SHISA9: variants seen among roughly 807,000 people sequenced by gnomAD.
The protein encoded by SHISA9 is protein shisa-9.
Under a neutral mutation model 38.0 loss-of-function variants are expected in SHISA9, and 13 were observed. That is an observed-to-expected ratio of 0.34 (90% CI 0.22 to 0.54). The LOEUF is 0.54. SHISA9 is among the 20% of genes least tolerant of loss of function. The pLI, the probability that SHISA9 is intolerant of heterozygous loss-of-function variation, is 0.91. For missense variants in SHISA9, 538 were observed against 575.8 expected, an observed-to-expected ratio of 0.93 and a Z score of 0.67; for synonymous variants, 275 against 242.0, an observed-to-expected ratio of 1.14 and a Z score of -1.27.
the SHISA9 span, among the ~76,000 whole-genome samples, chr16:13,469,653 C>G: frequency 6.6e-6 from 1 of 152,232 alleles, no homozygotes; most frequent in Non-Finnish European, 1.5e-5. Context: ...GAGGCAGTCA[C>G]TCATTCCCTC....
chr16:13,407,568 T>A, the SHISA9 span, among the ~76,000 whole-genome samples: 15 of 152,330 alleles, frequency 9.8e-5, no homozygotes, highest in Admixed American at 7.8e-4. Flanking sequence ...ACTGTTGGTT[T>A]CCTAACCAAT....
At chr16:13,109,400 AC>A (rs956561329) in intron 2 of SHISA9, among the ~76,000 whole-genome samples, 3 of 152,154 alleles carry the variant, frequency 2.0e-5, no homozygotes, top group Non-Finnish European at 2.9e-5. Flanking sequence ...CTTACTCACC[AC>A]CTGCTTGCAT....
the SHISA9 span, among the ~76,000 whole-genome samples, chr16:13,309,498 C>G: frequency 6.6e-6 from 1 of 151,910 alleles, no homozygotes; most frequent in Non-Finnish European, 1.5e-5. Context: ...CAAAAATCAG[C>G]TAGGTGTGGT....
intron 2 of SHISA9, among the ~76,000 whole-genome samples, chr16:12,997,669 G>A (rs746012001): frequency 1.3e-5 from 2 of 152,034 alleles, no homozygotes; most frequent in Non-Finnish European, 2.9e-5. Context: ...GCCTCCCAAA[G>A]TGCTGGGATT....
chr16:13,061,004 T>C (rs968041042), intron 2 of SHISA9, among the ~76,000 whole-genome samples: 9 of 152,108 alleles, frequency 5.9e-5, no homozygotes, highest in African/African-American at 2.2e-4. Context: ...CAAGGCATGG[T>C]GCATGGTATG....
the SHISA9 span, among the ~76,000 whole-genome samples, chr16:13,516,856 T>C: frequency 6.6e-6 from 1 of 152,144 alleles, no homozygotes; most frequent in Non-Finnish European, 1.5e-5. Context: ...ATACATCCAT[T>C]ATTTCATTTA....
At chr16:12,912,303 G>A (rs6498362) in intron 1 of SHISA9, among the ~76,000 whole-genome samples, 1 of 152,002 alleles carries the variant, frequency 6.6e-6, no homozygotes, top group Admixed American at 6.5e-5. Flanking sequence ...CTTGGACTTT[G>A]GGGCTGAAAT....
rs189778869 is a variant in SHISA9, at chr16:13,072,231, A to G, written c.692-131163A>G. Among the ~76,000 whole-genome samples, 36 of 152,378 alleles carry G rather than the reference A, an allele frequency of 2.4e-4. No individual in the cohort carries two copies. The East Asian group carries it at 4.0e-3, about 17-fold the overall frequency. ...AGAAGCGGTGGCTGGAAATAAAGCCAGTACCCAATGCAGGTAAGCCTGCCG... is the reference window on the plus strand; with the variant it reads ...AGAAGCGGTGGCTGGAAATAAAGCCGGTACCCAATGCAGGTAAGCCTGCCG... On this transcript the variant is annotated intron_variant, in intron 2 of 4. Coordinates refer to ENST00000558583, the MANE Select transcript of SHISA9 (RefSeq NM_001145204.3).
At chr16:13,467,776 A>G in the SHISA9 span, among the ~76,000 whole-genome samples, 49,866 of 152,106 alleles carry the variant, frequency 0.33, 8,338 homozygotes, top group East Asian at 0.39. Context: ...ACTCCCATGT[A>G]GGATCTTGGG....
intron 3 of SHISA9, 105 bp downstream of exon 3, chr16:13,203,654 T>C (rs1273909837): frequency 1.1e-5 from 14 of 1,234,166 alleles, no homozygotes; most frequent in Non-Finnish European, 2.1e-6. Flanking sequence ...TTCCTTTTTC[T>C]AGCTCTCTTT....
intron 2 of SHISA9, among the ~76,000 whole-genome samples, chr16:13,067,683 G>A (rs998753564): frequency 6.6e-6 from 1 of 152,358 alleles, no homozygotes; most frequent in South Asian, 2.1e-4. Context: ...ATTGTCTTCA[G>A]GGGAGAGTGT....
At chr16:13,056,427 A>T (rs1227563262) in intron 2 of SHISA9, among the ~76,000 whole-genome samples, 1 of 152,186 alleles carries the variant, frequency 6.6e-6, no homozygotes, top group Admixed American at 6.5e-5. Context: ...GGTCAATGAG[A>T]TCTGTGTTGA....
chr16:13,367,623 C>A, the SHISA9 span, among the ~76,000 whole-genome samples: 1 of 139,390 alleles, frequency 7.2e-6, no homozygotes, highest in African/African-American at 2.7e-5. Context: ...ACTCCTAATC[C>A]TAACACAAGG....
chr16:12,977,053 C>T (rs2072172672), intron 2 of SHISA9, among the ~76,000 whole-genome samples: 1 of 152,020 alleles, frequency 6.6e-6, no homozygotes, highest in South Asian at 2.1e-4. Context: ...CTTCCAAGGC[C>T]CCTGAGGTTT....
chr16:12,976,250 G>A (rs2141818170), intron 2 of SHISA9, among the ~76,000 whole-genome samples: 1 of 152,162 alleles, frequency 6.6e-6, no homozygotes, highest in Admixed American at 6.5e-5. Flanking sequence ...ACCACACTCA[G>A]CTAACTTTTT....
chr16:13,426,214 A>G, the SHISA9 span, among the ~76,000 whole-genome samples: 1 of 152,192 alleles, frequency 6.6e-6, no homozygotes. Context: ...ACACGTCAGG[A>G]TCCTTGCGAA....
the SHISA9 span, among the ~76,000 whole-genome samples, chr16:13,261,870 G>A: frequency 6.6e-6 from 1 of 152,188 alleles, no homozygotes; most frequent in Non-Finnish European, 1.5e-5. Context: ...GCCAGAATTA[G>A]ATATGAGTAT....
chr16:13,319,800 T>TC, the SHISA9 span, among the ~76,000 whole-genome samples: 1 of 117,352 alleles, frequency 8.5e-6, no homozygotes, highest in African/African-American at 2.8e-5. Flanking sequence ...CACAGAGCTG[T>TC]TAAAAAAAAA....
chr16:13,445,460 G>A, the SHISA9 span, among the ~76,000 whole-genome samples: 1 of 152,252 alleles, frequency 6.6e-6, no homozygotes, highest in East Asian at 1.9e-4. Context: ...ATAAATATTT[G>A]CAGAAAGAAC....
Sources: allele counts gnomAD v4.1 joint callset (sites outside exome capture counted in the v4.1 genomes callset), GRCh38; gene constraint gnomAD v4.1.1; transcripts MANE v1.5; gene names NCBI Gene and HGNC (gene_info 2026-07-23, HGNC 2026-07-21).